The following DLGAP1 variants were observed in gnomAD, a reference collection of about 807,000 sequenced individuals.
DLGAP1 encodes disks large-associated protein 1.
In DLGAP1, 11 loss-of-function variants were observed where a neutral mutation model predicts 90.8. The observed-to-expected ratio is 0.12, with a 90% confidence interval of 0.08 to 0.20. The LOEUF (loss-of-function observed/expected upper bound fraction) is 0.20, where lower values mean the gene tolerates loss of function less well. DLGAP1 is among the 10% of genes least tolerant of loss of function. The probability of loss-of-function intolerance (pLI) is 1.00; values close to 1 mark genes in which losing one functional copy is unlikely to be tolerated. For missense variants in DLGAP1, 1,050 were observed against 1,333.8 expected (o/e 0.79, Z 3.31); for synonymous variants, 558 against 540.7 (o/e 1.03, Z -0.44).
At chr18:4,037,955 G>T (rs535264757) in intron 2 of DLGAP1, among the ~76,000 whole-genome samples, 22 of 152,284 alleles carry the variant, frequency 1.4e-4, no homozygotes, top group African/African-American at 5.3e-4. Flanking sequence ...GTGAGACTCC[G>T]TCTCAAAAAC....
chr18:4,392,508 T>C (rs2082359648), intron 1 of DLGAP1, among the ~76,000 whole-genome samples: 1 of 152,190 alleles, frequency 6.6e-6, no homozygotes, highest in Non-Finnish European at 1.5e-5. Context: ...GAATTTGATC[T>C]TGTGTCATAA....
At chr18:4,226,372 G>T (rs192632592) in intron 1 of DLGAP1, among the ~76,000 whole-genome samples, 1 of 152,064 alleles carries the variant, frequency 6.6e-6, no homozygotes, top group Non-Finnish European at 1.5e-5. Context: ...AATGGTAACG[G>T]TAAATGCACA....
At chr18:3,567,179 T>C (rs2054483806) in intron 9 of DLGAP1, among the ~76,000 whole-genome samples, 1 of 151,830 alleles carries the variant, frequency 6.6e-6, no homozygotes, top group African/African-American at 2.4e-5. Flanking sequence ...AAAAGTGCAC[T>C]GTCTCATATG....
At chr18:4,274,696 A>G (rs2079369958) in intron 1 of DLGAP1, among the ~76,000 whole-genome samples, 1 of 152,324 alleles carries the variant, frequency 6.6e-6, no homozygotes, top group African/African-American at 2.4e-5. Context: ...TAGCATCATA[A>G]TTCTGACAGC....
intron 3 of DLGAP1, among the ~76,000 whole-genome samples, chr18:3,989,271 AAGG>A (rs1233421142): frequency 2.6e-5 from 4 of 152,206 alleles, no homozygotes; most frequent in African/African-American, 7.2e-5. Flanking sequence ...ATGGGATGAG[AAGG>A]AGAAGGTTCT....
intron 2 of DLGAP1, among the ~76,000 whole-genome samples, chr18:4,149,244 T>G (rs543904552): frequency 2.6e-5 from 4 of 152,208 alleles, no homozygotes; most frequent in Admixed American, 2.6e-4. Flanking sequence ...CTCAGATGCA[T>G]TTCTCACTTA....
At chr18:4,323,116 A>T (rs2143626588) in intron 1 of DLGAP1, among the ~76,000 whole-genome samples, 1 of 152,272 alleles carries the variant, frequency 6.6e-6, no homozygotes, top group East Asian at 1.9e-4. Flanking sequence ...TAATCTGATT[A>T]AAAAGCGAGC....
chr18:4,443,023 C>T (rs769104196), intron 1 of DLGAP1, among the ~76,000 whole-genome samples: 1 of 152,064 alleles, frequency 6.6e-6, no homozygotes, highest in Non-Finnish European at 1.5e-5. Flanking sequence ...TGGCCATTCT[C>T]CAATAGCGGA....
intron 8 of DLGAP1, among the ~76,000 whole-genome samples, chr18:3,574,060 C>T (rs2054965304): frequency 6.6e-6 from 1 of 152,146 alleles, no homozygotes; most frequent in African/African-American, 2.4e-5. Context: ...CATGAGTGTA[C>T]GTATTATTTT....
chr18:3,575,121 T>A (rs1298572791), intron 8 of DLGAP1, among the ~76,000 whole-genome samples: 1 of 152,190 alleles, frequency 6.6e-6, no homozygotes, highest in Non-Finnish European at 1.5e-5. Flanking sequence ...GGCCTTTTTA[T>A]TTTTCAAAGC....
intron 2 of DLGAP1, among the ~76,000 whole-genome samples, chr18:4,108,281 TC>T (rs967204515): frequency 6.6e-6 from 1 of 152,114 alleles, no homozygotes; most frequent in Non-Finnish European, 1.5e-5. Flanking sequence ...CTTGTTCAGT[TC>T]CCCCAGCTTA....
intron 7 of DLGAP1, among the ~76,000 whole-genome samples, chr18:3,595,404 G>A (rs542173799): frequency 7.9e-5 from 12 of 152,242 alleles, no homozygotes; most frequent in African/African-American, 2.6e-4. Context: ...AGTTAAACAG[G>A]AAGTTGAAGG....
intron 6 of DLGAP1, among the ~76,000 whole-genome samples, chr18:3,741,038 TCACCTCAC>T (rs2062918731): frequency 3.3e-5 from 1 of 30,220 alleles, no homozygotes; most frequent in Non-Finnish European, 6.3e-5. Context: ...ACCACCACCA[TCACCTCAC>T]CACCACCACC....
chr18:3,980,868 T>G (rs1471208130), intron 3 of DLGAP1, among the ~76,000 whole-genome samples: 1 of 152,240 alleles, frequency 6.6e-6, no homozygotes, highest in Non-Finnish European at 1.5e-5. Flanking sequence ...ACCTTATAGA[T>G]TTGCCATTTA....
chr18:4,403,633 A>T (rs2082602528), intron 1 of DLGAP1, among the ~76,000 whole-genome samples: 1 of 152,192 alleles, frequency 6.6e-6, no homozygotes, highest in South Asian at 2.1e-4. Context: ...TAATAATGCA[A>T]ATCAAAGTCT....
chr18:4,233,273 G>T (rs1381474991), intron 1 of DLGAP1, among the ~76,000 whole-genome samples: 1 of 152,134 alleles, frequency 6.6e-6, no homozygotes, highest in African/African-American at 2.4e-5. Flanking sequence ...ATTGAAGTTT[G>T]TTATTGTGTC....
intron 1 of DLGAP1, among the ~76,000 whole-genome samples, chr18:4,238,439 C>T (rs149148957): frequency 6.6e-6 from 1 of 152,280 alleles, no homozygotes; most frequent in African/African-American, 2.4e-5. Flanking sequence ...AACTTCTTGA[C>T]AACATTTTGA....
intron 1 of DLGAP1, among the ~76,000 whole-genome samples, chr18:4,221,615 G>A (rs527415984): frequency 2.6e-5 from 4 of 152,246 alleles, no homozygotes; most frequent in African/African-American, 7.2e-5. Flanking sequence ...GGAAGATGCA[G>A]GACATCAGCA....
intron 3 of DLGAP1, among the ~76,000 whole-genome samples, chr18:4,004,857 T>C (rs909981349): frequency 6.6e-6 from 1 of 151,944 alleles, no homozygotes; most frequent in African/African-American, 2.4e-5. Context: ...TTCTATATTA[T>C]GGTTCCATAA....
Sources: allele counts gnomAD v4.1 joint callset (sites outside exome capture counted in the v4.1 genomes callset), GRCh38; gene constraint gnomAD v4.1.1; transcripts MANE v1.5; gene names NCBI Gene and HGNC (gene_info 2026-07-23, HGNC 2026-07-21).